PHACTR3: variants seen among roughly 807,000 people sequenced by gnomAD.
PHACTR3 encodes the protein protein phosphatase 1, regulatory subunit 123.
Under a neutral mutation model 66.8 loss-of-function variants are expected in PHACTR3, and 16 were observed. The ratio of observed to expected loss-of-function variants is 0.24; its 90% CI spans 0.16 to 0.36. The LOEUF is 0.36. Among genes scored for constraint, PHACTR3 ranks in the 10% least tolerant of loss-of-function variants. PHACTR3 has a pLI of 1.00. For synonymous variants in PHACTR3, 323 were observed against 292.1 expected (o/e 1.11, Z -1.08); for missense variants, 647 against 719.9 (o/e 0.90, Z 1.16).
chr20:59,777,002 C>T (rs1282349914), intron 7 of PHACTR3, among the ~76,000 whole-genome samples: 6 of 152,228 alleles, frequency 3.9e-5, no homozygotes, highest in African/African-American at 2.4e-5. Flanking sequence ...AGAATTTACT[C>T]TTCTGCAGTT....
chr20:59,764,850 AC>A (rs201920110), intron 4 of PHACTR3, among the ~76,000 whole-genome samples: 2 of 151,934 alleles, frequency 1.3e-5, no homozygotes, highest in Non-Finnish European at 2.9e-5. Flanking sequence ...AAGGGGTGGG[AC>A]CCCCCCAGGA....
intron 1 of PHACTR3, among the ~76,000 whole-genome samples, chr20:59,616,373 C>G (rs770737810): frequency 2.0e-5 from 3 of 152,140 alleles, no homozygotes; most frequent in Admixed American, 1.3e-4. Context: ...CCCAGATGCC[C>G]TTGTCTTCCT....
At chr20:59,613,569 G>C (rs1555877792) in intron 1 of PHACTR3, among the ~76,000 whole-genome samples, 2 of 152,216 alleles carry the variant, frequency 1.3e-5, no homozygotes, top group Non-Finnish European at 2.9e-5. Context: ...CTTAAGATAG[G>C]TGTATTGCTA....
chr20:59,742,322 G>A (rs140937863), intron 1 of PHACTR3, among the ~76,000 whole-genome samples: 10 of 152,314 alleles, frequency 6.6e-5, no homozygotes, highest in South Asian at 2.1e-4. Context: ...TATGTAGGTC[G>A]GTATGAGTCT....
At chr20:59,645,187 G>T (rs182888041) in intron 1 of PHACTR3, among the ~76,000 whole-genome samples, 51 of 150,182 alleles carry the variant, frequency 3.4e-4, no homozygotes, top group African/African-American at 1.1e-3. Flanking sequence ...TTGCTGCAAA[G>T]GATATGATTT....
chr20:59,770,995 G>A (rs1044690876), intron 5 of PHACTR3, among the ~76,000 whole-genome samples: 4 of 152,218 alleles, frequency 2.6e-5, no homozygotes, highest in African/African-American at 9.6e-5. Flanking sequence ...CTGAACCTCA[G>A]CTTCCTCATC....
intron 5 of PHACTR3, among the ~76,000 whole-genome samples, chr20:59,768,865 G>T (rs1250146949): frequency 3.3e-5 from 5 of 152,246 alleles, no homozygotes; most frequent in Non-Finnish European, 7.3e-5. Context: ...AAACGGAGGA[G>T]GTGAGATGCA....
intron 8 of PHACTR3, among the ~76,000 whole-genome samples, chr20:59,808,094 A>C (rs2041623519): frequency 6.6e-6 from 1 of 152,158 alleles, no homozygotes; most frequent in Non-Finnish European, 1.5e-5. Flanking sequence ...CTGAGACAGA[A>C]TGGGGGCCTT....
intron 7 of PHACTR3, among the ~76,000 whole-genome samples, chr20:59,777,063 C>A (rs111842168): frequency 6.6e-6 from 1 of 152,158 alleles, no homozygotes; most frequent in African/African-American, 2.4e-5. Context: ...GTGCTCCCTG[C>A]GAGTGCTCCA....
intron 7 of PHACTR3, among the ~76,000 whole-genome samples, chr20:59,778,651 A>C (rs181135000): frequency 1.3e-5 from 2 of 152,172 alleles, no homozygotes; most frequent in African/African-American, 4.8e-5. Context: ...TGTAGTTCTT[A>C]CTGTGCGCAC....
intron 10 of PHACTR3, 40 bp from the exon 11 acceptor site, chr20:59,841,355 T>G (rs765729836): frequency 3.2e-6 from 5 of 1,581,638 alleles, no homozygotes; most frequent in Non-Finnish European, 4.3e-6. Flanking sequence ...AAAAGCTAGT[T>G]TGGCATGTGA....
At chr20:59,791,310 T>C (rs1005369293) in intron 7 of PHACTR3, among the ~76,000 whole-genome samples, 2 of 152,174 alleles carry the variant, frequency 1.3e-5, no homozygotes, top group Admixed American at 6.5e-5. Flanking sequence ...CTGTTGGACT[T>C]CCCAGCCTCC....
chr20:59,659,380 T>TTG (rs937591978), intron 1 of PHACTR3, among the ~76,000 whole-genome samples: 3 of 145,946 alleles, frequency 2.1e-5, no homozygotes, highest in Non-Finnish European at 3.0e-5. Context: ...CTTTTTTTTT[T>TTG]TTTTTTTTTT....
chr20:59,806,091 A>T lies in PHACTR3; in HGVS notation c.1225A>T (p.Asn409Tyr), dbSNP rs1419574396. 1 of 1,614,270 alleles carries T rather than the reference A, an allele frequency of 6.2e-7. No homozygotes were observed. Among genetic ancestry groups the T allele is most frequent in the East Asian group, 2.2e-5 (1 of 44,886 alleles). ...GGAGCTCCTGGCCGTGAAGCTAAGG[A>T]ACCGGCCAAGCAAACAGGAACTAGA... is the stretch of plus-strand genomic sequence containing the variant. The part of the protein sequence containing the change: ...KKELLAVKLR[N>Y]RPSKQELEDR... The change falls in exon 8 of 13, where the codon AAC becomes TAC. Residue 409 changes from asparagine (N) to tyrosine (Y), a missense_variant. Physicochemically the swap from Asn to Tyr is moderately radical, Grantham distance 143. Coordinates refer to ENST00000371015, the MANE Select transcript of PHACTR3 (RefSeq NM_080672.5).
chr20:59,600,063 T>A (rs1180140478), upstream of PHACTR3, among the ~76,000 whole-genome samples: 11 of 152,192 alleles, frequency 7.2e-5, no homozygotes, highest in Non-Finnish European at 1.3e-4. Flanking sequence ...TGGCTGCAGA[T>A]CCTTGCTCTG....
intron 1 of PHACTR3, among the ~76,000 whole-genome samples, chr20:59,718,996 T>G (rs560355155): frequency 6.6e-6 from 1 of 152,266 alleles, no homozygotes; most frequent in Admixed American, 6.5e-5. Context: ...TCAGATCTTA[T>G]GAAAATTTAA....
chr20:59,827,908 C>T (rs1264432358), intron 8 of PHACTR3, among the ~76,000 whole-genome samples: 1 of 152,080 alleles, frequency 6.6e-6, no homozygotes, highest in Non-Finnish European at 1.5e-5. Flanking sequence ...GGAGGCAGGC[C>T]AGCCGTTCTG....
chr20:59,607,908 T>C (rs994447670), intron 1 of PHACTR3, among the ~76,000 whole-genome samples: 1 of 152,212 alleles, frequency 6.6e-6, no homozygotes, highest in Non-Finnish European at 1.5e-5. Flanking sequence ...CAGCTGTAAT[T>C]ACCTGGGCAC....
intron 1 of PHACTR3, among the ~76,000 whole-genome samples, chr20:59,654,088 C>T (rs1205072091): frequency 6.6e-6 from 1 of 152,158 alleles, no homozygotes; most frequent in Non-Finnish European, 1.5e-5. Context: ...ACATTTCCAA[C>T]AGGATAATGA....
Sources: gnomAD v4.1 joint callset for allele counts (sites outside exome capture counted in the v4.1 genomes callset) on GRCh38, gnomAD v4.1.1 for gene constraint, MANE v1.5 for transcripts, NCBI Gene and HGNC (gene_info 2026-07-23, HGNC 2026-07-21) for gene names.